Variants in LRRC27 observed in about 807,000 individuals in gnomAD.
LRRC27 encodes leucine rich repeat containing 27.
Under a neutral mutation model 55.0 loss-of-function variants are expected in LRRC27, and 57 were observed. That is an observed-to-expected ratio of 1.04 (90% CI 0.84 to 1.29). The LOEUF is 1.29. Among genes scored for constraint, LRRC27 ranks in the 50% most tolerant of loss-of-function variants. The pLI is 0.00. For missense variants in LRRC27, 721 were observed against 651.5 expected (o/e 1.11, Z -1.16); for synonymous variants, 278 against 251.9 (o/e 1.10, Z -0.98).
At chr10:132,344,815 C>A in intron 5 of LRRC27, 165 bp downstream of exon 5, 1 of 582,398 alleles carries the variant, frequency 1.7e-6, no homozygotes, top group Non-Finnish European at 2.8e-6. Flanking sequence ...CCGACCCAGT[C>A]ATCTCTGTGA....
rs113608243 is a variant in LRRC27 at position 132,372,973 on chromosome 10, G to A, written c.1417-2093G>A. ...TTGAGGGAAGCCCCAAGGTGAGGGA[G>A]AGGCCAAAGCCAGCCGGCTGGGGAG... On this transcript the variant is annotated intron_variant, in intron 10 of 10. Coordinates refer to ENST00000368614, the MANE Select transcript of LRRC27 (RefSeq NM_030626.3). This position sits in a 1 kb window ranked among gnomAD's most constrained non-coding sequence, Gnocchi z 4.0. Among the ~76,000 whole-genome samples the A allele has an allele frequency of 6.6e-6, 1 of 152,124 alleles. No individual in the cohort carries two copies. The highest frequency in any genetic ancestry group is 2.4e-5 in the African/African-American group (1 of 41,416).
chr10:132,331,074 G>A (rs112225347), upstream of LRRC27, among the ~76,000 whole-genome samples: 1 of 151,070 alleles, frequency 6.6e-6, no homozygotes, highest in Admixed American at 6.6e-5. Flanking sequence ...GGTGGCGCGC[G>A]CCTGTAGTCC....
At position 132,333,635 on chromosome 10, in the gene LRRC27, G is replaced by C. The variant is rs1462357947; in HGVS notation, c.111G>C (p.Lys37Asn). ...CCACCCCCTCCAAAGATGTTCACAA[G>C]GGTGTTGGAGGCATCATCTTTTCCT... The part of the protein sequence containing the change: ...LPATPSKDVH[K>N]GVGGIIFSSS... Residue 37 changes from lysine to asparagine, a missense_variant, in exon 2 of 11, where the codon AAG becomes AAC. Coordinates refer to ENST00000368614, the MANE Select transcript of LRRC27 (RefSeq NM_030626.3). 4 of 1,613,462 alleles carry C rather than the reference G, an allele frequency of 2.5e-6. No homozygotes were observed. In the Admixed American group the frequency reaches 5.0e-5, roughly 20 times the overall value.
chr10:132,354,888 G>A (rs946673131), intron 7 of LRRC27, among the ~76,000 whole-genome samples: 1 of 152,216 alleles, frequency 6.6e-6, no homozygotes, highest in Non-Finnish European at 1.5e-5. Flanking sequence ...GCCTTCCGGG[G>A]GTGGAGCCCT....
rs189004041 is a variant in LRRC27 at position 132,372,339 on chromosome 10, G to A, written c.1417-2727G>A. Among the ~76,000 whole-genome samples, 1 of 152,174 alleles carries A rather than the reference G, an allele frequency of 6.6e-6. No homozygotes were observed. Among genetic ancestry groups the A allele is most frequent in the Non-Finnish European group, 1.5e-5 (1 of 68,006 alleles). On this transcript the variant is annotated intron_variant, in intron 10 of 10. Coordinates refer to ENST00000368614, the MANE Select transcript of LRRC27 (RefSeq NM_030626.3). This position sits in a 1 kb window ranked among gnomAD's most constrained non-coding sequence, Gnocchi z 4.0. ...CCCAGCACTTTGGGAGGCCAAGGCA[G>A]GTGAATCACCTGAGGTCAGGAGTTT...
intron 8 of LRRC27, among the ~76,000 whole-genome samples, chr10:132,359,548 C>T (rs777308789): frequency 6.6e-5 from 10 of 152,164 alleles, no homozygotes; most frequent in African/African-American, 1.4e-4. Flanking sequence ...CTGGGCTGGG[C>T]GGGCCTGGGG....
Position 132,363,739 on chromosome 10 carries a change from G to A in LRRC27, c.1290-1685G>A, listed in dbSNP as rs138322337. On this transcript the variant is annotated intron_variant, in intron 9 of 10. Coordinates refer to ENST00000368614, the MANE Select transcript of LRRC27 (RefSeq NM_030626.3). ...GCCCCGGCCCTGCTGCTCAGCGTAC[G>A]TCTGCCAGGGGGCTCCCCACTCAGT... Among the ~76,000 whole-genome samples the A allele has an allele frequency of 5.6e-3, 848 of 152,300 alleles. 6 individuals are homozygous for A. The highest frequency in any genetic ancestry group is 0.011 in the Admixed American group (165 of 15,304).
chr10:132,343,728 TG>T, intron 4 of LRRC27, among the ~76,000 whole-genome samples: 1 of 152,324 alleles, frequency 6.6e-6, no homozygotes, highest in East Asian at 1.9e-4. Context: ...GGCTGAAAGG[TG>T]GGACACCCAA....
intron 10 of LRRC27, among the ~76,000 whole-genome samples, chr10:132,369,767 A>T (rs190353656): frequency 9.0e-4 from 137 of 152,246 alleles, no homozygotes; most frequent in African/African-American, 3.2e-3. Flanking sequence ...TGTGGGATGA[A>T]GGCTGCTCTA....
upstream of LRRC27, chr10:132,331,918 C>G (rs1488384984): frequency 1.7e-5 from 11 of 651,658 alleles, no homozygotes; most frequent in Admixed American, 8.9e-5. Context: ...GCACCACAAC[C>G]CCCCCACCGC....
intron 7 of LRRC27, among the ~76,000 whole-genome samples, chr10:132,355,459 G>A (rs535900669): frequency 5.5e-4 from 84 of 152,322 alleles, no homozygotes; most frequent in African/African-American, 1.9e-3. Flanking sequence ...GTCGTGCAGC[G>A]CCTGTGGTGG....
At chr10:132,341,935 A>G (rs2067434602) in intron 3 of LRRC27, among the ~76,000 whole-genome samples, 3 of 152,198 alleles carry the variant, frequency 2.0e-5, no homozygotes, top group African/African-American at 7.2e-5. Flanking sequence ...TACCCCTGGC[A>G]TCTGTTGGAG....
In LRRC27 at chr10:132,376,517, C is replaced by CGTTGCTGGTCAGGGTCT. The variant is rs2069340301; in HGVS notation, c.*1276_*1292dup. The CGTTGCTGGTCAGGGTCT allele has an allele frequency of 6.6e-6, 1 of 152,292 alleles. No individual in the cohort carries two copies. The highest frequency in any genetic ancestry group is 2.4e-5 in the African/African-American group (1 of 41,466). 9.4% of individuals were successfully genotyped at this position (152,292 alleles called of 1,614,324 possible). ...GCAGGCGTTGGAGCAGCTCAGCCGG[C>CGTTGCTGGTCAGGGTCT]GTTGCTGGTCAGGGTCTCCCGTGAG... On this transcript the variant is annotated 3_prime_UTR_variant, in exon 11 of 11. Coordinates refer to ENST00000368614, the MANE Select transcript of LRRC27 (RefSeq NM_030626.3).
chr10:132,349,048 CAT>C (rs1223655000), intron 6 of LRRC27: 1 of 1,605,944 alleles, frequency 6.2e-7, no homozygotes, highest in South Asian at 1.1e-5. Flanking sequence ...TGCGCCTACA[CAT>C]ATGGGAGGTA....
chr10:132,342,048 G>C (rs2067440003), intron 3 of LRRC27, among the ~76,000 whole-genome samples, 165 bp from the exon 4 acceptor site: 1 of 152,232 alleles, frequency 6.6e-6, no homozygotes. Context: ...ACCTGTGTTT[G>C]CATATGACAG....
chr10:132,330,953 A>C (rs951096920), upstream of LRRC27, among the ~76,000 whole-genome samples: 2 of 151,510 alleles, frequency 1.3e-5, no homozygotes, highest in African/African-American at 2.4e-5. Flanking sequence ...CTGTAATCCC[A>C]GCACTTTGGG....
intron 9 of LRRC27, among the ~76,000 whole-genome samples, chr10:132,364,383 TTA>T (rs1564853008): frequency 3.9e-4 from 20 of 51,682 alleles, no homozygotes; most frequent in East Asian, 5.0e-3. Flanking sequence ...CCACCCACAC[TTA>T]CACCCACCCT....
chr10:132,331,837 C>G (rs964298909), upstream of LRRC27: 30 of 1,495,940 alleles, frequency 2.0e-5, no homozygotes, highest in Non-Finnish European at 2.2e-5. Flanking sequence ...GCCGCGGGCG[C>G]GGAAAAACGG....
intron 8 of LRRC27, among the ~76,000 whole-genome samples, chr10:132,361,226 C>G (rs1234224210): frequency 6.6e-6 from 1 of 152,246 alleles, no homozygotes; most frequent in Non-Finnish European, 1.5e-5. Flanking sequence ...CCTACCCCAG[C>G]CTGGGCTGTC....
Sources: gnomAD v4.1 joint callset for allele counts (sites outside exome capture counted in the v4.1 genomes callset) on GRCh38, gnomAD v4.1.1 for gene constraint, Gnocchi (gnomAD v3.1) non-coding constraint, MANE v1.5 for transcripts, NCBI Gene and HGNC (gene_info 2026-07-23, HGNC 2026-07-21) for gene names.